MLX: variants seen among roughly 807,000 people sequenced by gnomAD.
MLX encodes max-like protein X.
MLX carries 15 observed loss-of-function variants against 33.0 expected under a neutral mutation model. The observed-to-expected ratio is 0.45, with a 90% CI of 0.30 to 0.70. The LOEUF (loss-of-function observed/expected upper bound fraction) is 0.70. Among genes scored for constraint, MLX ranks in the 30% least tolerant of loss-of-function variants. The pLI, the probability that MLX is intolerant of heterozygous loss-of-function variation, is 0.07. For missense variants in MLX, 285 were observed against 306.3 expected (o/e 0.93, Z 0.52); for synonymous variants, 115 against 115.6 (o/e 0.99, Z 0.03).
rs1597718816 is a variant in MLX, at chr17:42,569,316, A to G, written c.376+13A>G. Reference sequence around the variant, plus strand: ...GTTCTACAAAAGAGTATGGCTAGGGAAAGCACTGGAGGGGATGGAGCCAAG... The same window carrying G: ...GTTCTACAAAAGAGTATGGCTAGGGGAAGCACTGGAGGGGATGGAGCCAAG... On this transcript the variant is annotated intron_variant, in intron 5 of 7. Transcript: ENST00000435881. 1 of 1,611,542 alleles carries G rather than the reference A, an allele frequency of 6.2e-7. No homozygotes were observed. Among genetic ancestry groups the G allele is most frequent in the Non-Finnish European group, 8.5e-7 (1 of 1,177,660 alleles).
At chr17:42,569,446 CCTT>C in intron 5 of MLX, 58 bp from the exon 6 acceptor site, 1 of 1,530,246 alleles carries the variant, frequency 6.5e-7, no homozygotes, top group Non-Finnish European at 9.1e-7. Context: ...ACAAAGTCAG[CCTT>C]ATCTTCTTGG....
rs2093033910 is a variant in MLX, at chr17:42,571,722, A to T, written c.*119A>T. On this transcript the variant is annotated 3_prime_UTR_variant, in exon 8 of 8. Coordinates refer to ENST00000435881, the MANE Select transcript of MLX (RefSeq NM_198204.2). ...ACCTCACACTGGTCAGCTGGTTTCT[A>T]CTTGGTGTTTGGTTTTTCCCAGCCC... 2.0e-6 allele frequency: 2 copies of T among 980,280 alleles called. No homozygotes were observed. Among genetic ancestry groups the T allele is most frequent in the South Asian group, 2.7e-5 (2 of 74,654 alleles). 60.7% of individuals were successfully genotyped at this position (980,280 alleles called of 1,614,324 possible).
At position 42,567,905 on chromosome 17, in the gene MLX, C is replaced by T. The variant is rs1251943443; in HGVS notation, c.79+250C>T. On this transcript the variant is annotated intron_variant, in intron 2 of 7. Transcript: ENST00000435881. ...CAGTGGAGCAGCTGATCACTCACACCCTCATCACGTCCACATGCCCGTTTG... is the reference window on the plus strand; with the variant it reads ...CAGTGGAGCAGCTGATCACTCACACTCTCATCACGTCCACATGCCCGTTTG... 6.9e-6 allele frequency: 4 copies of T among 578,838 alleles called. No individual in the cohort carries two copies. The African/African-American group carries it at 7.5e-5, about 11-fold the overall frequency. The allele number at this position is 578,838 out of a possible 1,614,324, so 35.9% of individuals were successfully genotyped here.
intron 1 of MLX, 105 bp downstream of exon 1, chr17:42,567,271 C>T: frequency 1.5e-6 from 2 of 1,346,284 alleles, no homozygotes; most frequent in Non-Finnish European, 1.9e-6. Flanking sequence ...CAAAGTCCCC[C>T]ACGCTCTCCG....
chr17:42,570,757 G>A (rs538915583), intron 7 of MLX, among the ~76,000 whole-genome samples: 42 of 152,120 alleles, frequency 2.8e-4, no homozygotes, highest in Non-Finnish European at 1.8e-4. Context: ...CCGGGTTCAC[G>A]CCATTCTCCT....
At chr17:42,571,511 G>A in intron 7 of MLX, 36 bp from the exon 8 acceptor site, 1 of 1,608,596 alleles carries the variant, frequency 6.2e-7, no homozygotes, top group Non-Finnish European at 8.5e-7. Context: ...CGTTGACTTG[G>A]GCATTGTCTA....
At chr17:42,571,386 C>T (rs759339468) in intron 7 of MLX, among the ~76,000 whole-genome samples, 161 bp from the exon 8 acceptor site, 4 of 152,156 alleles carry the variant, frequency 2.6e-5, no homozygotes, top group Non-Finnish European at 4.4e-5. Context: ...CTTGGCCTCC[C>T]GAAGTGCTGG....
At chr17:42,569,048 G>A in intron 4 of MLX, 105 bp downstream of exon 4, 2 of 1,323,760 alleles carry the variant, frequency 1.5e-6, no homozygotes, top group Admixed American at 3.7e-5. Context: ...CTAGGGGGTG[G>A]GCAGGTAGTA....
chr17:42,570,954 C>T (rs1246875722), intron 7 of MLX, among the ~76,000 whole-genome samples: 2 of 152,100 alleles, frequency 1.3e-5, no homozygotes, highest in African/African-American at 4.8e-5. Flanking sequence ...TGTGCCTGGC[C>T]TCGTTTCCCA....
At position 42,571,872 on chromosome 17, in the gene MLX, C is replaced by T. The variant is rs571406137; in HGVS notation, c.*269C>T. The T allele has an allele frequency of 6.9e-5, 34 of 492,688 alleles. No individual in the cohort carries two copies. The highest frequency in any genetic ancestry group is 5.8e-4 in the Middle Eastern group (1 of 1,722). The allele number at this position is 492,688 out of a possible 1,614,324, so 30.5% of individuals were successfully genotyped here. A position where few individuals can be genotyped will look rare whatever the true frequency, so the allele number is the denominator to read the frequency against. ...ACTCCATGGAAGTCCTTGGGATGGG[C>T]GTCTGCTCTGGACACCCCAAAGAGC... On this transcript the variant is annotated 3_prime_UTR_variant, in exon 8 of 8. Transcript: ENST00000435881.
chr17:42,568,356 C>T (rs1053891121), intron 2 of MLX, 114 bp from the exon 3 acceptor site: 5 of 698,002 alleles, frequency 7.2e-6, no homozygotes, highest in South Asian at 1.8e-5. Context: ...GAGCGAGACT[C>T]TGTCTAAAAA....
chr17:42,567,796 G>A, intron 2 of MLX, 141 bp downstream of exon 2: 3 of 1,107,124 alleles, frequency 2.7e-6, no homozygotes, highest in Non-Finnish European at 3.9e-6. Context: ...GGAGCTGAAG[G>A]ACAAGGGCAG....
rs1348349769 is a variant in MLX at position 42,572,254 on chromosome 17, C to T, written c.*651C>T. The T allele has an allele frequency of 2.0e-5, 8 of 403,652 alleles. No individual in the cohort carries two copies. The highest frequency in any genetic ancestry group is 4.0e-5 in the Non-Finnish European group (8 of 201,336). 25.0% of individuals were successfully genotyped at this position (403,652 alleles called of 1,614,324 possible). A position where few individuals can be genotyped will look rare whatever the true frequency, so the allele number is the denominator to read the frequency against. On this transcript the variant is annotated 3_prime_UTR_variant, in exon 8 of 8. Coordinates refer to ENST00000435881, the MANE Select transcript of MLX (RefSeq NM_198204.2). ...TCTGCTCTGGGTGGTAAGGGAAGCC[C>T]TCCCGGTTCCCACAGGCTATGATGC...
chr17:42,569,056 G>GTATA, intron 4 of MLX, 113 bp downstream of exon 4: 2 of 1,293,236 alleles, frequency 1.5e-6, no homozygotes, highest in Non-Finnish European at 2.2e-6. Context: ...TGGGCAGGTA[G>GTATA]TATAGTCCCA....
rs915845814 is a variant in MLX at position 42,572,746 on chromosome 17, C to G, written c.*1143C>G. 6.0e-6 allele frequency: 4 copies of G among 666,950 alleles called. No homozygotes were observed. The African/African-American group carries it at 7.1e-5, about 12-fold the overall frequency. The allele number at this position is 666,950 out of a possible 1,614,324, so 41.3% of individuals were successfully genotyped here. On this transcript the variant is annotated 3_prime_UTR_variant, in exon 8 of 8. Coordinates refer to ENST00000435881, the MANE Select transcript of MLX (RefSeq NM_198204.2). ...TCCAAGTCTAAATGTTAACCTCAAG[C>G]TACTGCAATTTAGACAATGAAATGG... is the stretch of plus-strand genomic sequence containing the variant.
intron 2 of MLX, 75 bp downstream of exon 2, chr17:42,567,730 A>G (rs971233882): frequency 1.9e-6 from 3 of 1,596,158 alleles, no homozygotes; most frequent in Middle Eastern, 1.7e-4. Flanking sequence ...GGCGTTGCCA[A>G]CCACGCCTGA....
At chr17:42,568,813 C>G in intron 3 of MLX, 24 bp from the exon 4 acceptor site, 16 of 1,575,292 alleles carry the variant, frequency 1.0e-5, no homozygotes, top group Non-Finnish European at 1.4e-5. Flanking sequence ...GATGACCTTT[C>G]CCTGCCCCCA....
At chr17:42,568,288 G>T (rs2093016956) in intron 2 of MLX, 182 bp from the exon 3 acceptor site, 3 of 335,550 alleles carry the variant, frequency 8.9e-6, no homozygotes, top group Admixed American at 4.4e-5. Flanking sequence ...GCGTGAACCT[G>T]GGAGGCGGAG....
intron 7 of MLX, 36 bp downstream of exon 7, chr17:42,570,219 T>C (rs1342728715): frequency 6.2e-7 from 1 of 1,603,358 alleles, no homozygotes; most frequent in Non-Finnish European, 8.5e-7. Context: ...TCTGCGGTTT[T>C]CTCTACCATC....
Sources: gnomAD v4.1 joint callset for allele counts (sites outside exome capture counted in the v4.1 genomes callset) on GRCh38, gnomAD v4.1.1 for gene constraint, MANE v1.5 for transcripts, NCBI Gene and HGNC (gene_info 2026-07-23, HGNC 2026-07-21) for gene names.